DACH2: variants seen among roughly 807,000 people sequenced by gnomAD.
The protein encoded by DACH2 is dachshund homolog 2.
A neutral mutation model predicts 35.8 loss-of-function variants in DACH2; 17 were observed. The observed-to-expected ratio is 0.48, with a 90% CI of 0.33 to 0.71. The LOEUF (loss-of-function observed/expected upper bound fraction) is 0.71, where lower values mean the gene tolerates loss of function less well. Among genes scored for constraint, DACH2 ranks in the 30% least tolerant of loss-of-function variants. DACH2 has a pLI of 0.02. For synonymous variants in DACH2, 195 were observed against 177.3 expected (o/e 1.10, Z -0.79); for missense variants, 469 against 472.7 (o/e 0.99, Z 0.07).
intron 1 of DACH2, among the ~76,000 whole-genome samples, chrX:86,182,199 G>A (rs910119959): frequency 1.8e-5 from 2 of 111,730 alleles, no homozygotes; most frequent in Non-Finnish European, 3.8e-5. Flanking sequence ...ATTAGATCCA[G>A]TTTGTCAATT....
chrX:86,151,891 G>A (rs2030379659), intron 1 of DACH2, among the ~76,000 whole-genome samples: 1 of 110,676 alleles, frequency 9.0e-6, no homozygotes, highest in African/African-American at 3.3e-5. Flanking sequence ...GAGTAGAAAT[G>A]CAGGAAAAGA....
intron 4 of DACH2, among the ~76,000 whole-genome samples, chrX:86,688,010 C>T (rs886109929): frequency 3.6e-5 from 4 of 110,040 alleles, no homozygotes; most frequent in African/African-American, 1.3e-4. Flanking sequence ...GCTGCACGTT[C>T]TGCACATGTA....
intron 3 of DACH2, among the ~76,000 whole-genome samples, chrX:86,625,097 C>G (rs930062311): frequency 1.2e-4 from 13 of 110,858 alleles, no homozygotes; most frequent in African/African-American, 4.3e-4. Flanking sequence ...TGGTTTGTAT[C>G]TCTTTTGGAA....
At chrX:86,656,033 C>CT (rs1052610358) in intron 4 of DACH2, among the ~76,000 whole-genome samples, 2 of 97,939 alleles carry the variant, frequency 2.0e-5, no homozygotes, top group African/African-American at 7.6e-5. Flanking sequence ...TAAAGCTCCC[C>CT]CCCCCCACTA....
intron 2 of DACH2, among the ~76,000 whole-genome samples, chrX:86,450,699 G>T (rs908300687): frequency 9.2e-6 from 1 of 109,056 alleles, no homozygotes; most frequent in Admixed American, 9.8e-5. Context: ...AGTATAAAAG[G>T]GTTCCTTTTC....
chrX:86,380,849 CTG>C lies in DACH2; in HGVS notation c.527+3989_527+3990del, dbSNP rs753086867. On this transcript the variant is annotated intron_variant, in intron 2 of 11. Transcript: ENST00000373125. ...ATTTTTTGTTTTAAGATGTATCAAA[CTG>C]TTGTGATATCATACTATTCTTTTTA... 2.6e-4 allele frequency among the ~76,000 whole-genome samples: 29 copies of C among 110,020 alleles called. No homozygotes were observed. The East Asian group carries it at 2.9e-3, about 11-fold the overall frequency.
chrX:86,297,043 G>GTATATA lies in DACH2; in HGVS notation c.489-79758_489-79753dup, dbSNP rs35078642. Among the ~76,000 whole-genome samples, 327 of 89,915 alleles carry GTATATA rather than the reference G, an allele frequency of 3.6e-3. 2 individuals are homozygous for GTATATA. The highest frequency in any genetic ancestry group is 0.012 in the African/African-American group (271 of 22,939). 78.1% of individuals were successfully genotyped at this position (89,915 alleles called of 115,157 possible). A position where few individuals can be genotyped will look rare whatever the true frequency, so the allele number is the denominator to read the frequency against. On this transcript the variant is annotated intron_variant, in intron 1 of 11. Coordinates refer to ENST00000373125, the MANE Select transcript of DACH2 (RefSeq NM_053281.3). ...CAGTCCTATAAATAAATATAATTGT[G>GTATATA]TATATATATATATATATATATATAT...
At chrX:86,639,647 A>C (rs1847576945) in intron 3 of DACH2, among the ~76,000 whole-genome samples, 1 of 111,539 alleles carries the variant, frequency 9.0e-6, no homozygotes. Context: ...AATATAAGAC[A>C]CACTGGTTTG....
chrX:86,399,122 G>T (rs2036366453), intron 2 of DACH2, among the ~76,000 whole-genome samples: 1 of 111,726 alleles, frequency 9.0e-6, no homozygotes, highest in Admixed American at 9.5e-5. Flanking sequence ...ATTAATCCCT[G>T]TACCATTATG....
At chrX:86,582,471 G>T (rs1359121583) in intron 3 of DACH2, among the ~76,000 whole-genome samples, 1 of 110,711 alleles carries the variant, frequency 9.0e-6, no homozygotes, top group Non-Finnish European at 1.9e-5. Context: ...GTAGATAGAT[G>T]AATAAAGAAA....
intron 5 of DACH2, among the ~76,000 whole-genome samples, chrX:86,703,203 C>G (rs370633475): frequency 9.2e-6 from 1 of 108,194 alleles, no homozygotes; most frequent in African/African-American, 3.4e-5. Context: ...GAAAAAAATT[C>G]AATGAAATCA....
chrX:86,637,347 A>G (rs1193322423), intron 3 of DACH2, among the ~76,000 whole-genome samples: 1 of 108,285 alleles, frequency 9.2e-6, no homozygotes, highest in Admixed American at 1.0e-4. Flanking sequence ...GCTATTCCTC[A>G]AAGACCCAAA....
chrX:86,439,784 T>G (rs1038057376), intron 2 of DACH2, among the ~76,000 whole-genome samples: 2 of 111,706 alleles, frequency 1.8e-5, no homozygotes, highest in African/African-American at 6.5e-5. Context: ...TTCTAAGCAG[T>G]TTTTTCTGCA....
intron 7 of DACH2, among the ~76,000 whole-genome samples, chrX:86,764,539 T>A (rs183637373): frequency 3.9e-4 from 44 of 112,073 alleles, no homozygotes; most frequent in African/African-American, 1.3e-3. Flanking sequence ...TCTATCCATG[T>A]TGTTGCAAAG....
intron 1 of DACH2, among the ~76,000 whole-genome samples, chrX:86,211,126 T>A (rs958548582): frequency 6.3e-5 from 7 of 111,499 alleles, no homozygotes; most frequent in African/African-American, 2.0e-4. Context: ...TTTTCTTTTC[T>A]GATGAGCCAC....
rs192204709 is a variant in DACH2 at position 86,200,622 on chromosome X, A to G, written c.488+51514A>G. ...AACCCCATTGAAAAGTGGGTAAAGG[A>G]CATGAACTTTTCCAAAAAAAAAAAA... On this transcript the variant is annotated intron_variant, in intron 1 of 11. Coordinates refer to ENST00000373125, the MANE Select transcript of DACH2 (RefSeq NM_053281.3). Among the ~76,000 whole-genome samples the G allele has an allele frequency of 5.1e-3, 463 of 90,295 alleles. 7 individuals are homozygous for G. The highest frequency in any genetic ancestry group is 0.018 in the African/African-American group (439 of 24,437). 78.4% of individuals were successfully genotyped at this position (90,295 alleles called of 115,157 possible). A position where few individuals can be genotyped will look rare whatever the true frequency, so the allele number is the denominator to read the frequency against.
rs3041616 is a variant in DACH2, at chrX:86,632,494, GCACA to G, written c.641-18512_641-18509del. 1.6e-3 allele frequency among the ~76,000 whole-genome samples: 156 copies of G among 95,959 alleles called. 1 individual carries two copies. Among genetic ancestry groups the G allele is most frequent in the Middle Eastern group, 0.016 (3 of 185 alleles). The allele number at this position is 95,959 out of a possible 115,157, so 83.3% of individuals were successfully genotyped here. On this transcript the variant is annotated intron_variant, in intron 3 of 11. Transcript: ENST00000373125. ...CAACAATTATAACAGTCATACACATGCACACACACACACACACACACACACACAC... is the reference window on the plus strand; with the variant it reads ...CAACAATTATAACAGTCATACACATGCACACACACACACACACACACACAC...
chrX:86,741,984 A>T (rs1394664227), intron 7 of DACH2, among the ~76,000 whole-genome samples: 3 of 111,282 alleles, frequency 2.7e-5, no homozygotes, highest in Non-Finnish European at 5.7e-5. Context: ...TATATAGAAA[A>T]AAATATATTT....
chrX:86,207,503 A>G (rs2032342041), intron 1 of DACH2, among the ~76,000 whole-genome samples: 1 of 111,139 alleles, frequency 9.0e-6, no homozygotes, highest in Non-Finnish European at 1.9e-5. Flanking sequence ...GTGTGCCTGT[A>G]TCAAAATATG....
Sources: gnomAD v4.1 joint callset for allele counts (sites outside exome capture counted in the v4.1 genomes callset) on GRCh38, gnomAD v4.1.1 for gene constraint, MANE v1.5 for transcripts, NCBI Gene and HGNC (gene_info 2026-07-23, HGNC 2026-07-21) for gene names.